Variants in MVB12B observed in about 807,000 individuals in gnomAD.
MVB12B encodes ESCRT-I complex subunit MVB12B.
MVB12B carries 16 observed loss-of-function variants against 41.6 expected under a neutral mutation model. The observed-to-expected ratio is 0.38, with a 90% CI of 0.26 to 0.58. The LOEUF (loss-of-function observed/expected upper bound fraction) is 0.58. MVB12B is among the 20% of genes least tolerant of loss of function. The probability of loss-of-function intolerance (pLI) is 0.62; values close to 1 mark genes in which losing one functional copy is unlikely to be tolerated. For missense variants in MVB12B, 274 were observed against 380.2 expected (o/e 0.72, Z 2.32); for synonymous variants, 133 against 139.7 (o/e 0.95, Z 0.34).
chr9:126,497,978 A>G (rs10987305), intron 9 of MVB12B, among the ~76,000 whole-genome samples: 80,604 of 151,968 alleles, frequency 0.53, 22,044 homozygotes, highest in African/African-American at 0.68. Context: ...CTCGTCTCGC[A>G]GAAGAGGCCT....
rs1484125316 is a variant in MVB12B, at chr9:126,478,403, A to G, written c.758-2966A>G. ...TGTCCAGCACAGCCCCTGAGCCCCC[A>G]GGCCCTGCCCCTGGGCTGGGGACCT... is the stretch of plus-strand genomic sequence containing the variant. On this transcript the variant is annotated intron_variant, in intron 7 of 9. Transcript: ENST00000361171. The surrounding 1 kb of genome is among the most constrained non-coding windows in gnomAD (Gnocchi z 4.2). 6.6e-6 allele frequency among the ~76,000 whole-genome samples: 1 copy of G among 152,142 alleles called. No individual in the cohort carries two copies. The highest frequency in any genetic ancestry group is 1.5e-5 in the Non-Finnish European group (1 of 68,018).
At position 126,436,524 on chromosome 9, in the gene MVB12B, G is replaced by T. The variant is rs553034473; in HGVS notation, c.757+14576G>T. 6.6e-6 allele frequency among the ~76,000 whole-genome samples: 1 copy of T among 152,220 alleles called. No homozygotes were observed. Among genetic ancestry groups the T allele is most frequent in the African/African-American group, 2.4e-5 (1 of 41,456 alleles). On this transcript the variant is annotated intron_variant, in intron 7 of 9. Transcript: ENST00000361171. The surrounding 1 kb of genome is among the most constrained non-coding windows in gnomAD (Gnocchi z 4.1). ...CTTAGTATAAAAGTGAAAAGGTTAC[G>T]TGTACTAGTTTGAGTATACCTATGA...
At chr9:126,347,902 A>T (rs1233448897) in intron 2 of MVB12B, among the ~76,000 whole-genome samples, 1 of 152,188 alleles carries the variant, frequency 6.6e-6, no homozygotes, top group Non-Finnish European at 1.5e-5. Context: ...GGGGCAGGAA[A>T]ATTGCCCTCG....
chr9:126,450,998 C>T (rs1167035464), intron 7 of MVB12B, among the ~76,000 whole-genome samples: 1 of 152,222 alleles, frequency 6.6e-6, no homozygotes, highest in Non-Finnish European at 1.5e-5. Context: ...TGGCCTTTCT[C>T]CCATGGTGAC....
chr9:126,373,454 T>G (rs964211458), intron 2 of MVB12B, among the ~76,000 whole-genome samples: 1 of 152,252 alleles, frequency 6.6e-6, no homozygotes, highest in African/African-American at 2.4e-5. Context: ...CCTATGAACT[T>G]CATTCTTGTT....
At position 126,429,337 on chromosome 9, in the gene MVB12B, C is replaced by G. The variant is rs553376204; in HGVS notation, c.757+7389C>G. On this transcript the variant is annotated intron_variant, in intron 7 of 9. Transcript: ENST00000361171. ...TTGATCGCATGGTGTATTTGTATATCCTGATGTAAAAGGTGCGGCTGACAG... is the reference window on the plus strand; with the variant it reads ...TTGATCGCATGGTGTATTTGTATATGCTGATGTAAAAGGTGCGGCTGACAG... Among the ~76,000 whole-genome samples the G allele has an allele frequency of 2.6e-5, 4 of 152,262 alleles. No homozygotes were observed. The South Asian group carries it at 8.3e-4, about 32-fold the overall frequency.
intron 7 of MVB12B, among the ~76,000 whole-genome samples, chr9:126,444,243 A>G (rs888895807): frequency 6.6e-6 from 1 of 152,204 alleles, no homozygotes; most frequent in Non-Finnish European, 1.5e-5. Context: ...AAATAAATAT[A>G]TAAACACATT....
chr9:126,484,105 C>T, intron 9 of MVB12B, 73 bp downstream of exon 9: 1 of 1,401,618 alleles, frequency 7.1e-7, no homozygotes, highest in Non-Finnish European at 1.0e-6. Flanking sequence ...TCGTGTGTTC[C>T]CCTAGGGATC....
chr9:126,397,308 G>A, intron 6 of MVB12B: 1 of 985,484 alleles, frequency 1.0e-6, no homozygotes, highest in Non-Finnish European at 1.2e-6. Context: ...TCAGAAGCCT[G>A]CTGGTGACTG....
intron 7 of MVB12B, among the ~76,000 whole-genome samples, chr9:126,439,413 C>G (rs780507422): frequency 6.6e-6 from 1 of 152,230 alleles, no homozygotes; most frequent in Non-Finnish European, 1.5e-5. Context: ...GATGTTAGCA[C>G]TGCCAGTACC....
intron 7 of MVB12B, among the ~76,000 whole-genome samples, chr9:126,434,570 G>T (rs1832420288): frequency 1.3e-5 from 2 of 152,332 alleles, no homozygotes; most frequent in South Asian, 4.1e-4. Context: ...TTGCTACCTA[G>T]AGGCAATAAA....
At position 126,459,912 on chromosome 9, in the gene MVB12B, G is replaced by A. The variant is rs531927024; in HGVS notation, c.758-21457G>A. On this transcript the variant is annotated intron_variant, in intron 7 of 9. Transcript: ENST00000361171. The surrounding 1 kb of genome is among the most constrained non-coding windows in gnomAD (Gnocchi z 4.3). ...TTTTCACAGGCGGGTTTCATGAGTGGAGCCGCTCTTGTTGGGAAGCAGCTT... is the reference window on the plus strand; with the variant it reads ...TTTTCACAGGCGGGTTTCATGAGTGAAGCCGCTCTTGTTGGGAAGCAGCTT... 2.6e-4 allele frequency among the ~76,000 whole-genome samples: 39 copies of A among 152,296 alleles called. No homozygotes were observed. In the South Asian group the frequency reaches 6.4e-3, roughly 25 times the overall value.
chr9:126,464,988 A>C (rs1833168938), intron 7 of MVB12B, among the ~76,000 whole-genome samples: 1 of 152,164 alleles, frequency 6.6e-6, no homozygotes, highest in East Asian at 1.9e-4. Flanking sequence ...TCAGACACCC[A>C]GAGCATCCAA....
chr9:126,400,587 G>A (rs534676961), intron 6 of MVB12B, among the ~76,000 whole-genome samples: 16 of 152,356 alleles, frequency 1.1e-4, no homozygotes, highest in Middle Eastern at 3.4e-3. Flanking sequence ...ACCTTGTCCA[G>A]AGAACTTCAG....
intron 7 of MVB12B, among the ~76,000 whole-genome samples, chr9:126,476,912 C>T (rs1000783642): frequency 6.7e-6 from 1 of 149,104 alleles, no homozygotes; most frequent in African/African-American, 2.5e-5. Context: ...AATCTATAAT[C>T]TATGTAAAGG....
intron 6 of MVB12B, among the ~76,000 whole-genome samples, chr9:126,401,590 C>G (rs559906457): frequency 4.1e-4 from 63 of 152,318 alleles, no homozygotes. Context: ...AAAATCGTTC[C>G]ATCACTCTGA....
chr9:126,439,900 A>G (rs1221369269), intron 7 of MVB12B, among the ~76,000 whole-genome samples: 1 of 152,244 alleles, frequency 6.6e-6, no homozygotes, highest in Non-Finnish European at 1.5e-5. Flanking sequence ...AGACTTGCAT[A>G]TAATGTATCT....
intron 6 of MVB12B, among the ~76,000 whole-genome samples, chr9:126,420,552 C>A (rs1006041318): frequency 6.9e-6 from 1 of 144,130 alleles, no homozygotes; most frequent in African/African-American, 2.6e-5. Flanking sequence ...AGCCTTTCCT[C>A]CCAGGAGTCT....
intron 7 of MVB12B, among the ~76,000 whole-genome samples, chr9:126,439,230 A>G (rs1399948832): frequency 3.3e-5 from 5 of 150,418 alleles, no homozygotes; most frequent in African/African-American, 1.2e-4. Flanking sequence ...CAGACCTGGG[A>G]GCTCTGAGAG....
Sources: allele counts gnomAD v4.1 joint callset (sites outside exome capture counted in the v4.1 genomes callset), GRCh38; gene constraint gnomAD v4.1.1; non-coding constraint Gnocchi (gnomAD v3.1); transcripts MANE v1.5; gene names NCBI Gene and HGNC (gene_info 2026-07-23, HGNC 2026-07-21).